CDH2: variants seen among roughly 807,000 people sequenced by gnomAD.
CDH2 encodes cadherin 2.
CDH2 carries 17 observed loss-of-function variants against 92.0 expected under a neutral mutation model. The ratio of observed to expected loss-of-function variants is 0.18; its 90% CI spans 0.13 to 0.28. The LOEUF is 0.28. CDH2 is among the 10% of genes least tolerant of loss of function. The pLI is 1.00. For missense variants in CDH2, 862 were observed against 1,133.1 expected (o/e 0.76, Z 3.44); for synonymous variants, 419 against 415.9 (o/e 1.01, Z -0.09).
Position 28,009,700 on chromosome 18 carries a change from G to A in CDH2, c.702+17C>T, listed in dbSNP as rs1296185538. The A allele has an allele frequency of 1.9e-6, 3 of 1,611,824 alleles. No homozygotes were observed. The African/African-American group carries it at 4.0e-5, about 22-fold the overall frequency. ...GAACTGTTAATACACAGAATTATCA[G>A]CTGGTTGGAATCTTACATGAAACCG... On this transcript the variant is annotated intron_variant, in intron 5 of 15. Transcript: ENST00000269141.
At chr18:28,096,012 CT>C (rs1487327446) in intron 2 of CDH2, among the ~76,000 whole-genome samples, 1 of 152,076 alleles carries the variant, frequency 6.6e-6, no homozygotes, top group Non-Finnish European at 1.5e-5. Flanking sequence ...GCAGTTTAAA[CT>C]AGTTCTGTTT....
intron 2 of CDH2, among the ~76,000 whole-genome samples, chr18:28,041,538 A>G (rs1035099124): frequency 1.3e-5 from 2 of 152,218 alleles, no homozygotes; most frequent in Admixed American, 1.3e-4. Context: ...TTTTTAACGG[A>G]TAAGTGTCCA....
rs547957457 is a variant in CDH2 at position 28,046,479 on chromosome 18, G to T, written c.173-32570C>A. ...AAACCCAAAAAGTAAGAATTTTTTG[G>T]CATAAAGTGATGCTTTGGGTGGGAA... On this transcript the variant is annotated intron_variant, in intron 2 of 15. Transcript: ENST00000269141. Among the ~76,000 whole-genome samples the T allele has an allele frequency of 1.7e-4, 26 of 152,200 alleles. 1 individual carries two copies. Among genetic ancestry groups the T allele is most frequent in the African/African-American group, 5.8e-4 (24 of 41,532 alleles).
chr18:28,012,582 T>C (rs2013132759), intron 3 of CDH2, among the ~76,000 whole-genome samples: 1 of 152,232 alleles, frequency 6.6e-6, no homozygotes, highest in South Asian at 2.1e-4. Flanking sequence ...TGTTTCTTCC[T>C]CTATCTGTAG....
chr18:28,064,189 G>A (rs1323457231), intron 2 of CDH2, among the ~76,000 whole-genome samples: 1 of 152,076 alleles, frequency 6.6e-6, no homozygotes, highest in Non-Finnish European at 1.5e-5. Context: ...GTCTCAAAAT[G>A]ACTCCCATCT....
chr18:27,968,945 T>C (rs941099861), intron 14 of CDH2, among the ~76,000 whole-genome samples: 5 of 152,152 alleles, frequency 3.3e-5, no homozygotes, highest in African/African-American at 4.8e-5. Flanking sequence ...CCTCTATAGC[T>C]CCCGGCATTA....
At chr18:28,045,152 C>T (rs955520330) in intron 2 of CDH2, among the ~76,000 whole-genome samples, 5 of 152,144 alleles carry the variant, frequency 3.3e-5, no homozygotes, top group Admixed American at 1.3e-4. Context: ...AGTTCTTCCT[C>T]ATCCAACTGG....
At chr18:27,960,781 A>C (rs575583292) in intron 15 of CDH2, among the ~76,000 whole-genome samples, 2 of 152,306 alleles carry the variant, frequency 1.3e-5, no homozygotes, top group African/African-American at 4.8e-5. Context: ...CAAATTAGGA[A>C]GAGATTGTAT....
At chr18:28,040,181 TG>T (rs1330850546) in intron 2 of CDH2, among the ~76,000 whole-genome samples, 1 of 152,174 alleles carries the variant, frequency 6.6e-6, no homozygotes, top group Non-Finnish European at 1.5e-5. Context: ...TGTGGCATGC[TG>T]GGGTCCTAAC....
chr18:28,075,305 C>T (rs555450574), intron 2 of CDH2, among the ~76,000 whole-genome samples: 76 of 152,232 alleles, frequency 5.0e-4, no homozygotes, highest in South Asian at 3.5e-3. Context: ...TGCTAGATAG[C>T]AGGAGTGTGG....
intron 14 of CDH2, among the ~76,000 whole-genome samples, chr18:27,975,341 C>T (rs148780420): frequency 6.6e-6 from 1 of 152,338 alleles, no homozygotes; most frequent in East Asian, 1.9e-4. Context: ...GCATCAGCTT[C>T]AGTCTCTCAC....
At chr18:27,966,366 A>T (rs2011534475) in intron 14 of CDH2, among the ~76,000 whole-genome samples, 1 of 152,214 alleles carries the variant, frequency 6.6e-6, no homozygotes. Context: ...GGTGACAAAT[A>T]TAAGAATATA....
intron 1 of CDH2, among the ~76,000 whole-genome samples, chr18:28,157,997 A>G (rs988316444): frequency 6.6e-6 from 1 of 152,112 alleles, no homozygotes; most frequent in Non-Finnish European, 1.5e-5. Context: ...TATACACTTT[A>G]TTTGCTCTGG....
chr18:27,957,013 C>T (rs575537880), intron 15 of CDH2, among the ~76,000 whole-genome samples: 1 of 152,036 alleles, frequency 6.6e-6, no homozygotes, highest in African/African-American at 2.4e-5. Context: ...GAATTATGCA[C>T]CCCCAAAGGG....
chr18:27,993,427 T>A (rs1599017698), intron 8 of CDH2, 73 bp downstream of exon 8: 1 of 1,460,654 alleles, frequency 6.8e-7, no homozygotes, highest in South Asian at 1.3e-5. Context: ...TTTAACACAT[T>A]TATTATTCAT....
intron 2 of CDH2, among the ~76,000 whole-genome samples, chr18:28,120,817 T>A (rs1238609228): frequency 1.3e-5 from 2 of 152,128 alleles, no homozygotes; most frequent in African/African-American, 2.4e-5. Flanking sequence ...GACACAGATA[T>A]CACCCACACT....
intron 7 of CDH2, among the ~76,000 whole-genome samples, chr18:27,998,624 G>T (rs1179151389): frequency 6.6e-6 from 1 of 152,090 alleles, no homozygotes; most frequent in African/African-American, 2.4e-5. Flanking sequence ...TTGCTTGTTT[G>T]TTCTTGAGAC....
At chr18:28,052,327 A>G (rs2014208218) in intron 2 of CDH2, among the ~76,000 whole-genome samples, 1 of 152,204 alleles carries the variant, frequency 6.6e-6, no homozygotes, top group Non-Finnish European at 1.5e-5. Flanking sequence ...TAAATAGATG[A>G]AGAAAAAGGA....
chr18:27,952,006 G>T lies in CDH2; in HGVS notation c.*147C>A. 1 of 671,868 alleles carries T rather than the reference G, an allele frequency of 1.5e-6. No homozygotes were observed. The highest frequency in any genetic ancestry group is 2.6e-6 in the Non-Finnish European group (1 of 380,894). 41.6% of individuals were successfully genotyped at this position (671,868 alleles called of 1,614,324 possible). On this transcript the variant is annotated 3_prime_UTR_variant, in exon 16 of 16. Coordinates refer to ENST00000269141, the MANE Select transcript of CDH2 (RefSeq NM_001792.5). ...TATGGATCACTGATATTCCCTCTGA[G>T]CCCAAATTGGTTTGCAGCCTATGCC... is the stretch of plus-strand genomic sequence containing the variant.
Sources: allele counts gnomAD v4.1 joint callset (sites outside exome capture counted in the v4.1 genomes callset), GRCh38; gene constraint gnomAD v4.1.1; transcripts MANE v1.5; gene names NCBI Gene and HGNC (gene_info 2026-07-23, HGNC 2026-07-21).